SDK1: variants seen among roughly 807,000 people sequenced by gnomAD.
The protein encoded by SDK1 is protein sidekick-1.
In SDK1, 157 loss-of-function variants were observed where a neutral mutation model predicts 245.5. The ratio of observed to expected loss-of-function variants is 0.64; its 90% CI spans 0.56 to 0.73. The LOEUF (loss-of-function observed/expected upper bound fraction) is 0.73. Among genes scored for constraint, SDK1 ranks in the 30% least tolerant of loss-of-function variants. The pLI is 0.00. For missense variants in SDK1, 3,583 were observed against 3,002.3 expected, an observed-to-expected ratio of 1.19 and a Z score of -4.52; for synonymous variants, 1,647 against 1,278.5, an observed-to-expected ratio of 1.29 and a Z score of -6.15.
intron 2 of SDK1, among the ~76,000 whole-genome samples, chr7:3,628,395 A>G (rs192145241): frequency 2.6e-5 from 4 of 152,142 alleles, no homozygotes; most frequent in Middle Eastern, 3.4e-3. Flanking sequence ...AGGCTGGCAT[A>G]TTTTCTTAAT....
At chr7:3,491,781 G>A (rs1396017074) in intron 1 of SDK1, among the ~76,000 whole-genome samples, 2 of 152,094 alleles carry the variant, frequency 1.3e-5, no homozygotes, top group African/African-American at 4.8e-5. Flanking sequence ...AATTTCGTTG[G>A]CAAGACAAAT....
chr7:3,592,723 G>C (rs1780918882), intron 1 of SDK1, among the ~76,000 whole-genome samples: 1 of 152,150 alleles, frequency 6.6e-6, no homozygotes, highest in East Asian at 1.9e-4. Context: ...AATCCTGCTT[G>C]GGTAAATGTC....
chr7:3,353,123 T>C (rs923340377), intron 1 of SDK1, among the ~76,000 whole-genome samples: 1 of 152,254 alleles, frequency 6.6e-6, no homozygotes, highest in African/African-American at 2.4e-5. Flanking sequence ...ATTTCTATTT[T>C]GTTTCCTGTT....
chr7:4,137,388 C>A (rs1779162818), intron 28 of SDK1, among the ~76,000 whole-genome samples: 1 of 152,180 alleles, frequency 6.6e-6, no homozygotes, highest in South Asian at 2.1e-4. Context: ...TGACCTGGAG[C>A]TGAGATGCCT....
intron 22 of SDK1, among the ~76,000 whole-genome samples, chr7:4,098,222 A>G (rs1272662934): frequency 6.6e-6 from 1 of 152,230 alleles, no homozygotes; most frequent in Non-Finnish European, 1.5e-5. Flanking sequence ...ACAGGAGAGG[A>G]AAATACTGCC....
intron 11 of SDK1, 23 bp from the exon 12 acceptor site, chr7:3,971,443 C>T: frequency 6.5e-7 from 1 of 1,549,368 alleles, no homozygotes; most frequent in South Asian, 1.1e-5. Flanking sequence ...TTTCGTCTGA[C>T]TCGTGACTTG....
intron 1 of SDK1, among the ~76,000 whole-genome samples, chr7:3,382,260 A>G (rs1357144740): frequency 6.6e-6 from 1 of 151,798 alleles, no homozygotes; most frequent in African/African-American, 2.4e-5. Context: ...CATGAACCAT[A>G]GCACCCACCC....
intron 40 of SDK1, among the ~76,000 whole-genome samples, chr7:4,223,036 T>A (rs1392796695): frequency 6.6e-6 from 1 of 151,470 alleles, no homozygotes; most frequent in African/African-American, 2.4e-5. Flanking sequence ...AGCACCGATT[T>A]CTTCCTCAAC....
At chr7:3,308,521 C>T (rs1018501506) in intron 1 of SDK1, among the ~76,000 whole-genome samples, 9 of 151,476 alleles carry the variant, frequency 5.9e-5, no homozygotes, top group African/African-American at 1.9e-4. Context: ...TAACAGCTAT[C>T]AATTAAATAG....
At chr7:3,776,517 A>G (rs941856747) in intron 4 of SDK1, among the ~76,000 whole-genome samples, 1 of 152,208 alleles carries the variant, frequency 6.6e-6, no homozygotes, top group Non-Finnish European at 1.5e-5. Context: ...TTTTCTGGAT[A>G]TATGTCTTCG....
chr7:3,939,027 C>T (rs1359988123), intron 5 of SDK1, among the ~76,000 whole-genome samples: 4 of 152,152 alleles, frequency 2.6e-5, no homozygotes, highest in East Asian at 1.9e-4. Flanking sequence ...AGAAGCAGTG[C>T]GTTGAGATGA....
chr7:3,312,315 C>T (rs1331130362), intron 1 of SDK1, among the ~76,000 whole-genome samples: 1 of 152,206 alleles, frequency 6.6e-6, no homozygotes, highest in Admixed American at 6.5e-5. Flanking sequence ...AGAAACAAGT[C>T]ATGCTATAGA....
chr7:4,103,742 A>G (rs941195588), intron 22 of SDK1, among the ~76,000 whole-genome samples: 1 of 152,350 alleles, frequency 6.6e-6, no homozygotes, highest in Admixed American at 6.5e-5. Flanking sequence ...CCTCAGGGCA[A>G]GTCCACAAGC....
At chr7:3,317,057 TGTC>T (rs1779680962) in intron 1 of SDK1, among the ~76,000 whole-genome samples, 1 of 151,476 alleles carries the variant, frequency 6.6e-6, no homozygotes. Flanking sequence ...GGTGTGCACT[TGTC>T]GTCCCAGCTA....
intron 4 of SDK1, among the ~76,000 whole-genome samples, chr7:3,766,735 G>A (rs532480488): frequency 6.6e-6 from 1 of 152,188 alleles, no homozygotes; most frequent in Non-Finnish European, 1.5e-5. Context: ...TTAGAAATAG[G>A]AACAAATGAT....
At chr7:3,690,870 A>T (rs10485873) in intron 4 of SDK1, among the ~76,000 whole-genome samples, 8 of 152,038 alleles carry the variant, frequency 5.3e-5, no homozygotes, top group African/African-American at 1.7e-4. Context: ...CATAATAGAC[A>T]GTCTCAAAAC....
At chr7:3,882,909 G>T (rs977951152) in intron 5 of SDK1, among the ~76,000 whole-genome samples, 1 of 152,192 alleles carries the variant, frequency 6.6e-6, no homozygotes, top group African/African-American at 2.4e-5. Flanking sequence ...CTAAGAGATT[G>T]TTCTGGCTTT....
Position 4,198,665 on chromosome 7 carries a change from C to A in SDK1, c.5099-7214C>A, listed in dbSNP as rs572060861. Among the ~76,000 whole-genome samples the A allele has an allele frequency of 2.6e-5, 4 of 152,232 alleles. No homozygotes were observed. In the South Asian group the frequency reaches 8.3e-4, roughly 32 times the overall value. On this transcript the variant is annotated intron_variant, in intron 35 of 44. Transcript: ENST00000404826. Reference sequence around the variant, plus strand: ...AAGCTTAACATCCTTACTATCTGGGCCTTTACCTAAAGTTGTGCGACTCCC... The same window carrying A: ...AAGCTTAACATCCTTACTATCTGGGACTTTACCTAAAGTTGTGCGACTCCC...
chr7:4,008,075 C>T (rs912712620), intron 14 of SDK1, among the ~76,000 whole-genome samples: 1 of 152,192 alleles, frequency 6.6e-6, no homozygotes, highest in Admixed American at 6.5e-5. Context: ...TTGCCCTTTC[C>T]CCTGCTCCTC....
Sources: gnomAD v4.1 joint callset for allele counts (sites outside exome capture counted in the v4.1 genomes callset) on GRCh38, gnomAD v4.1.1 for gene constraint, MANE v1.5 for transcripts, NCBI Gene and HGNC (gene_info 2026-07-23, HGNC 2026-07-21) for gene names.